PHF21A: variants seen among roughly 807,000 people sequenced by gnomAD.
PHF21A encodes PHD finger protein 21A.
In PHF21A, 11 loss-of-function variants were observed where a neutral mutation model predicts 82.5. The ratio of observed to expected loss-of-function variants is 0.13; its 90% confidence interval spans 0.08 to 0.22. The LOEUF (loss-of-function observed/expected upper bound fraction) is 0.22, where lower values mean the gene tolerates loss of function less well. PHF21A is among the 10% of genes least tolerant of loss of function. The pLI is 1.00. For missense variants in PHF21A, 579 were observed against 837.8 expected (o/e 0.69, Z 3.81); for synonymous variants, 297 against 302.8 (o/e 0.98, Z 0.20).
In PHF21A at chr11:45,965,003, T is replaced by C. The variant is rs538588075; in HGVS notation, c.996+312A>G. ...AACTAACATGGCGTTTTCTGTTTAC[T>C]ACCTCATCTGTGCTTACTGACGGAG... is the stretch of plus-strand genomic sequence containing the variant. On this transcript the variant is annotated intron_variant, in intron 10 of 18. Transcript: ENST00000676320. Among the ~76,000 whole-genome samples, 3 of 152,342 alleles carry C rather than the reference T, an allele frequency of 2.0e-5. No individual in the cohort carries two copies. The East Asian group carries it at 5.8e-4, about 29-fold the overall frequency.
intron 9 of PHF21A, 57 bp downstream of exon 9, chr11:45,969,758 C>T: frequency 8.6e-7 from 1 of 1,160,874 alleles, no homozygotes; most frequent in Non-Finnish European, 1.3e-6. Context: ...TAGAAAGAGC[C>T]CATGAGGATT....
intron 6 of PHF21A, among the ~76,000 whole-genome samples, chr11:45,999,555 T>C (rs997840933): frequency 6.6e-6 from 1 of 152,234 alleles, no homozygotes; most frequent in Non-Finnish European, 1.5e-5. Context: ...AATGCAAGCT[T>C]ATTTTGAGAA....
intron 7 of PHF21A, among the ~76,000 whole-genome samples, chr11:45,979,531 T>C (rs1364841821): frequency 6.6e-6 from 1 of 152,244 alleles, no homozygotes; most frequent in East Asian, 1.9e-4. Context: ...TCTCCCCTTC[T>C]TCAGACAGGT....
intron 6 of PHF21A, among the ~76,000 whole-genome samples, chr11:46,054,803 T>C (rs1056535802): frequency 2.0e-5 from 3 of 152,166 alleles, no homozygotes; most frequent in Admixed American, 2.0e-4. Flanking sequence ...TATTTGTGAC[T>C]GAATGAATTA....
chr11:46,095,242 A>G (rs185505052), intron 1 of PHF21A, among the ~76,000 whole-genome samples: 8 of 152,332 alleles, frequency 5.3e-5, no homozygotes, highest in Admixed American at 2.6e-4. Flanking sequence ...AGCAGCAAAA[A>G]GCAAGATCTA....
At chr11:46,077,466 T>A (rs780610883) in intron 5 of PHF21A, among the ~76,000 whole-genome samples, 2 of 152,200 alleles carry the variant, frequency 1.3e-5, no homozygotes, top group African/African-American at 4.8e-5. Flanking sequence ...AGGCAAAAAA[T>A]TCCAAAATTA....
chr11:46,119,527 G>T (rs1852387860), intron 1 of PHF21A, among the ~76,000 whole-genome samples: 3 of 152,044 alleles, frequency 2.0e-5, no homozygotes, highest in African/African-American at 7.2e-5. Context: ...AAAACCTGCC[G>T]ACCATTAGCA....
chr11:46,088,733 CTTAA>C (rs1423206835), intron 3 of PHF21A, among the ~76,000 whole-genome samples: 1 of 152,154 alleles, frequency 6.6e-6, no homozygotes, highest in Non-Finnish European at 1.5e-5. Flanking sequence ...TTTTAATACA[CTTAA>C]TTCTTTTCTC....
chr11:46,010,060 T>C (rs980813946), intron 6 of PHF21A, among the ~76,000 whole-genome samples: 9 of 152,220 alleles, frequency 5.9e-5, no homozygotes, highest in African/African-American at 2.2e-4. Context: ...ATTTAGTTGC[T>C]TAACCATATC....
At chr11:46,086,320 C>G (rs1349067025) in intron 3 of PHF21A, among the ~76,000 whole-genome samples, 1 of 152,074 alleles carries the variant, frequency 6.6e-6, no homozygotes, top group Non-Finnish European at 1.5e-5. Flanking sequence ...GGGGTTTCAC[C>G]GTGTTAGCCA....
At position 45,965,625 on chromosome 11, in the gene PHF21A, G is replaced by A. The variant is rs751449650; in HGVS notation, c.703-17C>T. ...GGGTCGAACCTATAGGGGAAAGAGA[G>A]AATAATTATTGTATTACTTAAGCTG... On this transcript the variant is annotated splice_polypyrimidine_tract_variant and intron_variant, in intron 9 of 18. Coordinates refer to ENST00000676320, the MANE Select transcript of PHF21A (RefSeq NM_001352027.3). The A allele has an allele frequency of 3.3e-6, 5 of 1,512,616 alleles. No individual in the cohort carries two copies. In the South Asian group the frequency reaches 4.0e-5, roughly 12 times the overall value. The allele number at this position is 1,512,616 out of a possible 1,614,324, so 93.7% of individuals were successfully genotyped here. A position where few individuals can be genotyped will look rare whatever the true frequency, so the allele number is the denominator to read the frequency against.
At chr11:46,059,912 G>T (rs1399317043) in intron 6 of PHF21A, among the ~76,000 whole-genome samples, 2 of 151,932 alleles carry the variant, frequency 1.3e-5, no homozygotes, top group Non-Finnish European at 2.9e-5. Context: ...ATTTATTTTT[G>T]GGGGATTTTT....
At chr11:46,017,814 C>T (rs1267067783) in intron 6 of PHF21A, among the ~76,000 whole-genome samples, 1 of 152,158 alleles carries the variant, frequency 6.6e-6, no homozygotes, top group African/African-American at 2.4e-5. Flanking sequence ...AAAAGGCTAT[C>T]AAACAGCAAA....
chr11:45,973,500 T>G (rs954528178), intron 7 of PHF21A, among the ~76,000 whole-genome samples: 2 of 152,262 alleles, frequency 1.3e-5, no homozygotes, highest in African/African-American at 2.4e-5. Context: ...CTAAGTGGCT[T>G]ATTCTCTTTG....
intron 10 of PHF21A, among the ~76,000 whole-genome samples, chr11:45,960,134 G>C (rs779255289): frequency 7.9e-5 from 12 of 152,230 alleles, no homozygotes; most frequent in Non-Finnish European, 1.6e-4. Context: ...TCTTCAAATA[G>C]TTGAGCAGAA....
Position 45,971,376 on chromosome 11 carries a change from C to T in PHF21A, c.361-9G>A. On this transcript the variant is annotated splice_polypyrimidine_tract_variant and intron_variant, in intron 7 of 18. Transcript: ENST00000676320. ...GCTGTAGTTACAGTCTTCTAGGAGA[C>T]AGGGAAAACAGATATTAGGACACTA... 5 of 1,609,374 alleles carry T rather than the reference C, an allele frequency of 3.1e-6. No homozygotes were observed. The highest frequency in any genetic ancestry group is 4.2e-6 in the Non-Finnish European group (5 of 1,177,022).
intron 6 of PHF21A, among the ~76,000 whole-genome samples, chr11:46,025,676 C>T (rs555429518): frequency 1.4e-4 from 21 of 152,282 alleles, no homozygotes; most frequent in African/African-American, 4.8e-4. Context: ...TTCCTATATA[C>T]CTTTCACCCA....
intron 6 of PHF21A, among the ~76,000 whole-genome samples, chr11:46,068,632 C>T (rs1478776258): frequency 6.6e-6 from 1 of 151,864 alleles, no homozygotes; most frequent in African/African-American, 2.4e-5. Flanking sequence ...TAGCTTGAAG[C>T]AACTGCTCTC....
intron 6 of PHF21A, among the ~76,000 whole-genome samples, chr11:46,025,681 C>T (rs998748269): frequency 2.6e-5 from 4 of 152,214 alleles, no homozygotes; most frequent in Non-Finnish European, 5.9e-5. Flanking sequence ...ATATACCTTT[C>T]ACCCAAATTC....
Sources: allele counts gnomAD v4.1 joint callset (sites outside exome capture counted in the v4.1 genomes callset), GRCh38; gene constraint gnomAD v4.1.1; transcripts MANE v1.5; gene names NCBI Gene and HGNC (gene_info 2026-07-23, HGNC 2026-07-21).